Variants in SBF2 observed in about 807,000 individuals in gnomAD.
The protein encoded by SBF2 is SET binding factor 2, also known as myotubularin-related protein 13.
SBF2 carries 112 observed loss-of-function variants against 225.2 expected under a neutral mutation model. The ratio of observed to expected loss-of-function variants is 0.50; its 90% CI spans 0.43 to 0.58. SBF2 has a LOEUF of 0.58. Ranked by LOEUF, SBF2 falls within the 20% of genes least tolerant of loss-of-function variation. SBF2 has a pLI of 0.00. For synonymous variants in SBF2, 763 were observed against 773.3 expected, an observed-to-expected ratio of 0.99 and a Z score of 0.22; for missense variants, 1,996 against 2,206.2, an observed-to-expected ratio of 0.90 and a Z score of 1.91.
intron 2 of SBF2, among the ~76,000 whole-genome samples, chr11:10,076,845 A>G (rs1015834958): frequency 6.6e-6 from 1 of 152,148 alleles, no homozygotes; most frequent in African/African-American, 2.4e-5. Context: ...TGGGGACAGC[A>G]CTTGTGCTTG....
intron 17 of SBF2, among the ~76,000 whole-genome samples, chr11:9,882,063 CATA>C (rs749062083): frequency 6.6e-6 from 1 of 152,152 alleles, no homozygotes; most frequent in Non-Finnish European, 1.5e-5. Context: ...CTTTACACAA[CATA>C]ATGAGTCAAG....
At chr11:10,106,603 T>C (rs752989050) in intron 2 of SBF2, among the ~76,000 whole-genome samples, 1 of 142,128 alleles carries the variant, frequency 7.0e-6, no homozygotes, top group Non-Finnish European at 1.5e-5. Context: ...CACTCCAGCC[T>C]GGGTGACAGA....
intron 16 of SBF2, among the ~76,000 whole-genome samples, chr11:9,953,817 A>G (rs554512494): frequency 7.6e-4 from 115 of 152,282 alleles, no homozygotes; most frequent in African/African-American, 2.6e-3. Flanking sequence ...ATTTGTTTGT[A>G]ATTTTCTGAG....
chr11:9,829,240 T>C (rs1855237450), intron 28 of SBF2, 116 bp downstream of exon 28: 1 of 1,224,812 alleles, frequency 8.2e-7, no homozygotes, highest in Non-Finnish European at 1.2e-6. Context: ...GTAAAACTTT[T>C]AAGAAGTCTT....
intron 1 of SBF2, among the ~76,000 whole-genome samples, chr11:10,235,659 T>TACA (rs1959041669): frequency 6.6e-6 from 1 of 152,228 alleles, no homozygotes; most frequent in African/African-American, 2.4e-5. Flanking sequence ...CAAACGTTTC[T>TACA]ATAGTTCATA....
chr11:9,977,695 C>T (rs545314631), intron 13 of SBF2, among the ~76,000 whole-genome samples: 1 of 152,264 alleles, frequency 6.6e-6, no homozygotes, highest in East Asian at 1.9e-4. Context: ...CCAATGCTTA[C>T]ACTGTTTGTC....
chr11:9,822,821 G>A (rs1289418253), intron 28 of SBF2, among the ~76,000 whole-genome samples: 1 of 152,000 alleles, frequency 6.6e-6, no homozygotes, highest in Non-Finnish European at 1.5e-5. Flanking sequence ...ACCTGGCCCA[G>A]TGCATGAGAC....
At chr11:10,238,756 T>C (rs1419922482) in intron 1 of SBF2, among the ~76,000 whole-genome samples, 1 of 150,180 alleles carries the variant, frequency 6.7e-6, no homozygotes, top group African/African-American at 2.4e-5. Context: ...CTACAAAAAA[T>C]ACAAAAATTA....
At chr11:9,814,692 CCTTT>C (rs1854365826) in intron 29 of SBF2, among the ~76,000 whole-genome samples, 3 of 152,112 alleles carry the variant, frequency 2.0e-5, no homozygotes, top group African/African-American at 4.8e-5. Flanking sequence ...TACATGAGTT[CCTTT>C]CTATTATTTT....
At chr11:10,186,456 C>G (rs1956936995) in intron 2 of SBF2, among the ~76,000 whole-genome samples, 1 of 152,128 alleles carries the variant, frequency 6.6e-6, no homozygotes. Context: ...CGCTTGAGTC[C>G]AGGAGTTCGT....
chr11:9,874,316 C>A (rs935214962), intron 17 of SBF2, among the ~76,000 whole-genome samples: 13 of 152,242 alleles, frequency 8.5e-5, no homozygotes, highest in Non-Finnish European at 1.5e-4. Flanking sequence ...GCAGAAATCA[C>A]AGTACTACTG....
At chr11:9,800,541 G>A (rs1392670099) in intron 32 of SBF2, among the ~76,000 whole-genome samples, 1 of 151,832 alleles carries the variant, frequency 6.6e-6, no homozygotes, top group Non-Finnish European at 1.5e-5. Context: ...CGAGTAGCTG[G>A]GACTACAGGC....
chr11:10,263,494 T>C (rs927401734), intron 1 of SBF2, among the ~76,000 whole-genome samples: 1 of 152,138 alleles, frequency 6.6e-6, no homozygotes, highest in Non-Finnish European at 1.5e-5. Flanking sequence ...TAATTCAAGC[T>C]ACAATAGGTT....
At chr11:10,041,054 G>T (rs1297871776) in intron 3 of SBF2, among the ~76,000 whole-genome samples, 1 of 151,854 alleles carries the variant, frequency 6.6e-6, no homozygotes, top group Non-Finnish European at 1.5e-5. Context: ...TAGTGAAGAG[G>T]GAGAATCTAA....
intron 3 of SBF2, among the ~76,000 whole-genome samples, chr11:10,036,736 T>A (rs772198778): frequency 6.6e-6 from 1 of 152,192 alleles, no homozygotes; most frequent in Admixed American, 6.5e-5. Flanking sequence ...TATACTCTTA[T>A]ATGTAACCTT....
At chr11:10,133,776 G>A (rs998088925) in intron 2 of SBF2, among the ~76,000 whole-genome samples, 1 of 152,010 alleles carries the variant, frequency 6.6e-6, no homozygotes, top group Non-Finnish European at 1.5e-5. Flanking sequence ...GGACTGAAGG[G>A]CTCCTCAAAT....
chr11:9,920,219 T>TATATATAC (rs1554954766), intron 16 of SBF2, among the ~76,000 whole-genome samples: 9 of 149,524 alleles, frequency 6.0e-5, no homozygotes, highest in African/African-American at 9.9e-5. Context: ...TATATATATA[T>TATATATAC]ACACACACAT....
intron 2 of SBF2, among the ~76,000 whole-genome samples, chr11:10,064,689 C>G (rs1316235097): frequency 1.3e-5 from 2 of 152,072 alleles, no homozygotes; most frequent in African/African-American, 2.4e-5. Context: ...AGGAAGAAGA[C>G]ATTTTATAAT....
intron 17 of SBF2, among the ~76,000 whole-genome samples, chr11:9,874,054 T>C (rs1275239364): frequency 3.7e-4 from 3 of 8,122 alleles, no homozygotes; most frequent in South Asian, 7.0e-3. Flanking sequence ...AGCAAGACTT[T>C]GTCTCAAAAA....
Sources: allele counts gnomAD v4.1 joint callset (sites outside exome capture counted in the v4.1 genomes callset), GRCh38; gene constraint gnomAD v4.1.1; transcripts MANE v1.5; gene names NCBI Gene and HGNC (gene_info 2026-07-23, HGNC 2026-07-21).